The following ASB3 variants were observed in gnomAD, a reference collection of about 807,000 sequenced individuals.
ASB3 encodes the protein ankyrin repeat and SOCS box protein 3.
A neutral mutation model predicts 54.5 loss-of-function variants in ASB3; 41 were observed. The observed-to-expected ratio is 0.75, with a 90% CI of 0.59 to 0.98. The LOEUF is 0.98. ASB3 is among the 50% of genes least tolerant of loss of function. The pLI, the probability that ASB3 is intolerant of heterozygous loss-of-function variation, is 0.00. For missense variants in ASB3, 733 were observed against 620.0 expected (o/e 1.18, Z -1.94); for synonymous variants, 266 against 221.2 (o/e 1.20, Z -1.80).
intron 2 of ASB3, among the ~76,000 whole-genome samples, chr2:53,761,914 C>G (rs1673168650): frequency 1.3e-5 from 2 of 152,146 alleles, no homozygotes; most frequent in African/African-American, 2.4e-5. Flanking sequence ...CTTTAGGAAA[C>G]AAACAAAATA....
At chr2:53,688,033 T>C (rs1398152615) in intron 9 of ASB3, among the ~76,000 whole-genome samples, 1 of 152,140 alleles carries the variant, frequency 6.6e-6, no homozygotes, top group African/African-American at 2.4e-5. Flanking sequence ...GTTGCCCAAC[T>C]GGTCTTGAAC....
At position 53,671,700 on chromosome 2, in the gene ASB3, AGTG is replaced by A. The variant is rs1558507567; in HGVS notation, c.1370-1013_1370-1011del. Among the ~76,000 whole-genome samples, 1,220 of 148,162 alleles carry A rather than the reference AGTG, an allele frequency of 8.2e-3. 71 individuals carry two copies. Among genetic ancestry groups the A allele is most frequent in the African/African-American group, 0.029 (1,161 of 40,430 alleles). ...CTTGAACCTGGGAGGCGGAGGTTGCAGTGAGCCGAGATCATGCCACTGCACTCC... is the reference window on the plus strand; with the variant it reads ...CTTGAACCTGGGAGGCGGAGGTTGCAAGCCGAGATCATGCCACTGCACTCC... On this transcript the variant is annotated intron_variant, in intron 9 of 9. Coordinates refer to ENST00000263634, the MANE Select transcript of ASB3 (RefSeq NM_016115.5).
chr2:53,750,233 G>A (rs1287096041), intron 3 of ASB3, among the ~76,000 whole-genome samples: 1 of 152,044 alleles, frequency 6.6e-6, no homozygotes, highest in Non-Finnish European at 1.5e-5. Flanking sequence ...TAGAAAAAAG[G>A]AGGAAAAGAA....
chr2:53,748,497 T>C (rs943682673), intron 3 of ASB3: 1 of 152,220 alleles, frequency 6.6e-6, no homozygotes, highest in Admixed American at 6.5e-5. Context: ...ATGAAACGTG[T>C]AAAATACTTT....
chr2:53,714,625 G>T, intron 6 of ASB3, 44 bp from the exon 7 acceptor site: 8 of 1,581,286 alleles, frequency 5.1e-6, no homozygotes, highest in Non-Finnish European at 6.9e-6. Flanking sequence ...TTGTATATGT[G>T]CATAAATGTA....
chr2:53,750,134 T>TTC (rs1438936849), intron 3 of ASB3, among the ~76,000 whole-genome samples: 1 of 152,112 alleles, frequency 6.6e-6, no homozygotes, highest in African/African-American at 2.4e-5. Flanking sequence ...GATGCACTGA[T>TTC]TCTATTCCAA....
chr2:53,737,824 A>C (rs1434501055), intron 3 of ASB3, among the ~76,000 whole-genome samples: 1 of 152,168 alleles, frequency 6.6e-6, no homozygotes, highest in African/African-American at 2.4e-5. Flanking sequence ...CCTAATGTGC[A>C]TATAGTATAC....
intron 9 of ASB3, among the ~76,000 whole-genome samples, chr2:53,687,335 CAA>C (rs950703522): frequency 2.0e-5 from 3 of 152,088 alleles, no homozygotes; most frequent in Non-Finnish European, 4.4e-5. Context: ...CAATGTTAAC[CAA>C]GGCACGAATC....
chr2:53,765,930 T>A (rs1020358577), intron 1 of ASB3, among the ~76,000 whole-genome samples: 1 of 103,514 alleles, frequency 9.7e-6, no homozygotes, highest in Non-Finnish European at 2.7e-5. Flanking sequence ...AAGAGCACCC[T>A]CTTTGGTGCT....
At chr2:53,700,208 A>C in intron 8 of ASB3, 63 bp downstream of exon 8, 1 of 1,549,572 alleles carries the variant, frequency 6.5e-7, no homozygotes, top group Non-Finnish European at 8.7e-7. Flanking sequence ...TCTCAACTGA[A>C]GGAAATTAAA....
chr2:53,731,918 G>C (rs1378107660), intron 3 of ASB3, among the ~76,000 whole-genome samples: 1 of 152,114 alleles, frequency 6.6e-6, no homozygotes, highest in Non-Finnish European at 1.5e-5. Flanking sequence ...CTCCCAAAGT[G>C]CTGGGATTAC....
intron 2 of ASB3, among the ~76,000 whole-genome samples, chr2:53,755,023 C>T (rs927290973): frequency 2.0e-5 from 3 of 152,226 alleles, no homozygotes; most frequent in Non-Finnish European, 4.4e-5. Context: ...AATGGCTCAT[C>T]CTATTCACTG....
At chr2:53,740,596 A>C (rs1040911839) in intron 3 of ASB3, among the ~76,000 whole-genome samples, 1 of 152,226 alleles carries the variant, frequency 6.6e-6, no homozygotes, top group Non-Finnish European at 1.5e-5. Flanking sequence ...CTGTTTTATA[A>C]ATTTCTTCAT....
At chr2:53,707,684 G>A (rs1669861500) in intron 7 of ASB3, among the ~76,000 whole-genome samples, 1 of 150,752 alleles carries the variant, frequency 6.6e-6, no homozygotes, top group South Asian at 2.1e-4. Context: ...GAGTATGCCG[G>A]GCACAGTGGC....
chr2:53,772,804 C>T (rs1674035159), intron 1 of ASB3, among the ~76,000 whole-genome samples: 1 of 152,200 alleles, frequency 6.6e-6, no homozygotes, highest in African/African-American at 2.4e-5. Flanking sequence ...TATTTCATCA[C>T]CCAGGTATTA....
At chr2:53,694,098 T>C in intron 8 of ASB3, 84 bp from the exon 9 acceptor site, 1 of 1,487,002 alleles carries the variant, frequency 6.7e-7, no homozygotes. Flanking sequence ...ATACCTATTC[T>C]TACAAAATCT....
intron 8 of ASB3, among the ~76,000 whole-genome samples, chr2:53,695,681 A>G (rs909147564): frequency 6.6e-6 from 1 of 152,146 alleles, no homozygotes; most frequent in Non-Finnish European, 1.5e-5. Flanking sequence ...TTGTTACTTT[A>G]CTACAGAGAC....
At chr2:53,750,489 T>C (rs1476471866) in intron 3 of ASB3, among the ~76,000 whole-genome samples, 2 of 152,130 alleles carry the variant, frequency 1.3e-5, no homozygotes, top group Non-Finnish European at 2.9e-5. Context: ...TGCTACAATT[T>C]AAGTGATACC....
At chr2:53,772,076 GGTT>G (rs961094562) in intron 1 of ASB3, 1 of 585,756 alleles carries the variant, frequency 1.7e-6, no homozygotes, top group East Asian at 3.2e-5. Context: ...TGTATTTGTG[GGTT>G]TTTTTTGTGT....
Sources: gnomAD v4.1 joint callset for allele counts (sites outside exome capture counted in the v4.1 genomes callset) on GRCh38, gnomAD v4.1.1 for gene constraint, MANE v1.5 for transcripts, NCBI Gene and HGNC (gene_info 2026-07-23, HGNC 2026-07-21) for gene names.